IGBP1: variants seen among roughly 807,000 people sequenced by gnomAD.
The protein encoded by IGBP1 is immunoglobulin-binding protein 1.
In IGBP1, 2 loss-of-function variants were observed where a neutral mutation model predicts 25.9. The observed-to-expected ratio is 0.08, with a 90% CI of 0.03 to 0.24. The LOEUF (loss-of-function observed/expected upper bound fraction) is 0.24. Ranked by LOEUF, IGBP1 falls within the 10% of genes least tolerant of loss-of-function variation. The probability of loss-of-function intolerance (pLI) is 1.00; values close to 1 mark genes in which losing one functional copy is unlikely to be tolerated. For synonymous variants in IGBP1, 96 were observed against 93.4 expected, an observed-to-expected ratio of 1.03 and a Z score of -0.16; for missense variants, 187 against 260.4, an observed-to-expected ratio of 0.72 and a Z score of 1.94.
intron 3 of IGBP1, among the ~76,000 whole-genome samples, chrX:70,141,197 T>C (rs756841304): frequency 9.1e-6 from 1 of 109,850 alleles, no homozygotes; most frequent in East Asian, 2.9e-4. Flanking sequence ...TACAAAAAAA[T>C]TTAGCTGGGC....
At chrX:70,164,728 T>C (rs1386212525) in intron 6 of IGBP1, among the ~76,000 whole-genome samples, 1 of 112,050 alleles carries the variant, frequency 8.9e-6, no homozygotes, top group Non-Finnish European at 1.9e-5. Flanking sequence ...CTATAAGGCC[T>C]CCTTACAAAA....
chrX:70,142,058 TGTG>T (rs1174234242), intron 3 of IGBP1, among the ~76,000 whole-genome samples: 3 of 111,653 alleles, frequency 2.7e-5, no homozygotes, highest in East Asian at 5.6e-4. Flanking sequence ...GTAGGCCAGG[TGTG>T]GTGGCTCATT....
intron 3 of IGBP1, among the ~76,000 whole-genome samples, chrX:70,144,108 A>T (rs1181855902): frequency 8.9e-6 from 1 of 112,269 alleles, no homozygotes; most frequent in Non-Finnish European, 1.9e-5. Context: ...GAATCACTTG[A>T]ACCCAGGAGG....
intron 6 of IGBP1, among the ~76,000 whole-genome samples, chrX:70,162,481 T>C (rs186378107): frequency 9.0e-6 from 1 of 111,620 alleles, no homozygotes; most frequent in Admixed American, 9.5e-5. Flanking sequence ...CCTAAGGACA[T>C]TTGAGTAATG....
In IGBP1 at chrX:70,134,739, A is replaced by C. The variant is rs1430015726; in HGVS notation, c.405A>C (p.Glu135Asp). 1 of 1,210,286 alleles carries C rather than the reference A, an allele frequency of 8.3e-7. No homozygotes were observed. Among genetic ancestry groups the C allele is most frequent in the Non-Finnish European group, 1.1e-6 (1 of 894,940 alleles). The change falls in exon 3 of 7, where the codon GAA becomes GAC. Residue 135 changes from glutamate to aspartate, a missense_variant. Coordinates refer to ENST00000356413, the MANE Select transcript of IGBP1 (RefSeq NM_001551.3). ...ELPKTMNNSA[E>D]NHTANSSMAY... The stretch of plus-strand genomic sequence containing the variant: ...CCAAAACCATGAACAACTCTGCTGA[A>C]AATCACACTGCCAATTCCTCCATGG...
At chrX:70,147,792 G>A (rs967495955) in intron 4 of IGBP1, among the ~76,000 whole-genome samples, 6 of 111,976 alleles carry the variant, frequency 5.4e-5, no homozygotes, top group African/African-American at 1.9e-4. Context: ...GACACAACAT[G>A]AATTGGGTTG....
At chrX:70,133,650 G>GC (rs2085076250) in intron 1 of IGBP1, 73 bp from the exon 2 acceptor site, 1 of 426,743 alleles carries the variant, frequency 2.3e-6, no homozygotes, top group Admixed American at 4.4e-5. Flanking sequence ...GAACTTCTCA[G>GC]CCCCGTGTCG....
intron 3 of IGBP1, among the ~76,000 whole-genome samples, chrX:70,140,006 A>C (rs1361382889): frequency 8.9e-6 from 1 of 112,549 alleles, no homozygotes; most frequent in Non-Finnish European, 1.9e-5. Flanking sequence ...TGCTCGTCAT[A>C]TGGCTAATTC....
chrX:70,166,020 C>A lies in IGBP1; in HGVS notation c.*39C>A, dbSNP rs1027233366. On this transcript the variant is annotated 3_prime_UTR_variant, in exon 7 of 7. Transcript: ENST00000356413. ...CCACAGGACTGCAGGGTGCACAACT[C>A]CCCTGCCAAGGAAAACCATGCAGTC... 4 of 1,194,179 alleles carry A rather than the reference C, an allele frequency of 3.3e-6. No individual in the cohort carries two copies. The highest frequency in any genetic ancestry group is 4.5e-6 in the Non-Finnish European group (4 of 881,289).
In IGBP1 at chrX:70,146,704, A is replaced by G. The variant is rs779009512; in HGVS notation, c.554A>G (p.Asp185Gly). 8.3e-7 allele frequency: 1 copy of G among 1,206,670 alleles called. No individual in the cohort carries two copies. The highest frequency in any genetic ancestry group is 3.0e-5 in the East Asian group (1 of 33,765). ...TCTGCTGTGGAAAGTGGTCAAGCAG[A>G]TGATGAGCGTGTTCGTGAATATTAT... is the stretch of plus-strand genomic sequence containing the variant. ...MKSAVESGQA[D>G]DERVREYYLL... Residue 185 changes from aspartate to glycine, a missense_variant, in exon 4 of 7, where the codon GAT (aspartate) becomes GGT (glycine). Asp to Gly is a moderately conservative substitution (Grantham distance 94). Transcript: ENST00000356413.
chrX:70,134,439 A>C, intron 2 of IGBP1, 84 bp from the exon 3 acceptor site: 1 of 1,007,609 alleles, frequency 9.9e-7, no homozygotes, highest in Non-Finnish European at 1.4e-6. Context: ...CTCCCAGCCC[A>C]GCCTCCCACT....
intron 6 of IGBP1, among the ~76,000 whole-genome samples, chrX:70,162,971 T>C (rs1355443544): frequency 9.0e-6 from 1 of 110,940 alleles, no homozygotes; most frequent in African/African-American, 3.3e-5. Context: ...AAGACTCCTT[T>C]GTCTCAAAAA....
intron 6 of IGBP1, among the ~76,000 whole-genome samples, chrX:70,165,530 G>A (rs1366217550): frequency 9.1e-6 from 1 of 110,339 alleles, no homozygotes; most frequent in Non-Finnish European, 1.9e-5. Flanking sequence ...CTTGGGGGGG[G>A]TGGGTGTTGG....
At chrX:70,144,974 T>TG (rs1474621267) in intron 3 of IGBP1, among the ~76,000 whole-genome samples, 2 of 108,410 alleles carry the variant, frequency 1.8e-5, no homozygotes, top group Non-Finnish European at 3.8e-5. Flanking sequence ...TGACTTTTCA[T>TG]GGGTCATGGA....
At chrX:70,147,974 G>A (rs889092263) in intron 4 of IGBP1, among the ~76,000 whole-genome samples, 10 of 112,321 alleles carry the variant, frequency 8.9e-5, no homozygotes, top group African/African-American at 3.2e-4. Context: ...AAGGCCCCTT[G>A]AGCATGTCTA....
chrX:70,147,439 C>T (rs2085173906), intron 4 of IGBP1, among the ~76,000 whole-genome samples: 1 of 109,683 alleles, frequency 9.1e-6, no homozygotes, highest in African/African-American at 3.3e-5. Context: ...AAAAATTGTG[C>T]TGACTATAAT....
At chrX:70,142,888 A>G (rs919619334) in intron 3 of IGBP1, among the ~76,000 whole-genome samples, 18 of 108,406 alleles carry the variant, frequency 1.7e-4, no homozygotes, top group African/African-American at 6.0e-4. Context: ...AGACAACAGT[A>G]AAAGAGGAAG....
intron 2 of IGBP1, 37 bp downstream of exon 2, chrX:70,134,172 G>A: frequency 1.7e-6 from 2 of 1,152,243 alleles, no homozygotes; most frequent in Non-Finnish European, 2.4e-6. Flanking sequence ...TGAGAACGAA[G>A]GTAATAATGG....
chrX:70,135,697 G>A (rs1326244214), intron 3 of IGBP1, among the ~76,000 whole-genome samples: 2 of 111,699 alleles, frequency 1.8e-5, no homozygotes, highest in African/African-American at 6.5e-5. Context: ...GGGTGGAGAT[G>A]TGTAGACCAA....
Sources: gnomAD v4.1 joint callset for allele counts (sites outside exome capture counted in the v4.1 genomes callset) on GRCh38, gnomAD v4.1.1 for gene constraint, MANE v1.5 for transcripts, NCBI Gene and HGNC (gene_info 2026-07-23, HGNC 2026-07-21) for gene names.